Variants in PTPRM observed in about 807,000 individuals in gnomAD.
The protein encoded by PTPRM is receptor-type tyrosine-protein phosphatase mu.
Under a neutral mutation model 186.7 loss-of-function variants are expected in PTPRM, and 47 were observed. The ratio of observed to expected loss-of-function variants is 0.25; its 90% CI spans 0.20 to 0.32. The LOEUF (loss-of-function observed/expected upper bound fraction) is 0.32, where lower values mean the gene tolerates loss of function less well. Among genes scored for constraint, PTPRM ranks in the 10% least tolerant of loss-of-function variants. PTPRM has a pLI of 1.00. For synonymous variants in PTPRM, 668 were observed against 674.9 expected, an observed-to-expected ratio of 0.99 and a Z score of 0.16; for missense variants, 1,494 against 1,865.0, an observed-to-expected ratio of 0.80 and a Z score of 3.66.
At chr18:7,726,381 G>A (rs2040549791) in intron 1 of PTPRM, among the ~76,000 whole-genome samples, 2 of 152,082 alleles carry the variant, frequency 1.3e-5, no homozygotes, top group Admixed American at 1.3e-4. Flanking sequence ...ATAGATTCTG[G>A]TTAAAAGTCG....
intron 7 of PTPRM, among the ~76,000 whole-genome samples, chr18:7,972,479 T>TAAAAAAAAAAAAAAAAAAAA (rs11445031): frequency 9.0e-5 from 4 of 44,364 alleles, no homozygotes; most frequent in African/African-American, 1.2e-4. Context: ...AAAAAAACAT[T>TAAAAAAAAAAAAAAAAAAAA]AAAAAAAAAA....
At chr18:7,728,666 G>A (rs534128669) in intron 1 of PTPRM, among the ~76,000 whole-genome samples, 4 of 152,238 alleles carry the variant, frequency 2.6e-5, no homozygotes, top group African/African-American at 9.6e-5. Flanking sequence ...CCAGCAGTCC[G>A]GTCTTCAGCC....
chr18:7,588,076 T>C (rs1698230386), intron 1 of PTPRM, among the ~76,000 whole-genome samples: 1 of 152,156 alleles, frequency 6.6e-6, no homozygotes, highest in African/African-American at 2.4e-5. Context: ...CTTTGTTTCT[T>C]ATTAGTCTAT....
chr18:8,076,693 T>C (rs1000237635), intron 9 of PTPRM, 129 bp downstream of exon 9: 19 of 520,914 alleles, frequency 3.6e-5, no homozygotes, highest in Non-Finnish European at 5.4e-5. Flanking sequence ...TCAGTAGTTA[T>C]AATGGTTGTT....
intron 2 of PTPRM, among the ~76,000 whole-genome samples, chr18:7,869,079 G>C (rs538858673): frequency 1.4e-3 from 207 of 152,338 alleles, no homozygotes; most frequent in African/African-American, 4.6e-3. Flanking sequence ...GTTGACTTCA[G>C]ACTGCTGTGC....
At chr18:8,144,391 A>C (rs2092833214) in intron 14 of PTPRM, among the ~76,000 whole-genome samples, 2 of 152,194 alleles carry the variant, frequency 1.3e-5, no homozygotes, top group Admixed American at 1.3e-4. Flanking sequence ...AGGCAGGTGA[A>C]TCATTTGATC....
intron 1 of PTPRM, among the ~76,000 whole-genome samples, chr18:7,739,723 TAGAC>T (rs143363267): frequency 0.068 from 10,288 of 152,226 alleles, 1,119 homozygotes; most frequent in African/African-American, 0.23. Flanking sequence ...CCTTGGGGCT[TAGAC>T]AGTCTCCTTG....
intron 13 of PTPRM, among the ~76,000 whole-genome samples, chr18:8,141,451 G>C (rs193000248): frequency 1.0e-3 from 156 of 152,264 alleles, no homozygotes; most frequent in African/African-American, 3.7e-3. Context: ...GCTTCCACAG[G>C]CTGCATAGCA....
intron 8 of PTPRM, among the ~76,000 whole-genome samples, chr18:8,074,413 A>G (rs1215312822): frequency 1.3e-5 from 2 of 152,212 alleles, no homozygotes; most frequent in Non-Finnish European, 2.9e-5. Context: ...TCCTGAGTAC[A>G]TACCTAGGAG....
intron 7 of PTPRM, among the ~76,000 whole-genome samples, chr18:8,008,846 A>G (rs957860991): frequency 1.3e-5 from 2 of 152,210 alleles, no homozygotes; most frequent in African/African-American, 4.8e-5. Flanking sequence ...TAGGAATATG[A>G]AAAGATACAA....
At chr18:7,581,210 C>T (rs1460062907) in intron 1 of PTPRM, among the ~76,000 whole-genome samples, 1 of 152,142 alleles carries the variant, frequency 6.6e-6, no homozygotes, top group Non-Finnish European at 1.5e-5. Context: ...CAAAGGTGGG[C>T]ACGGGATTCC....
intron 4 of PTPRM, among the ~76,000 whole-genome samples, chr18:7,911,894 C>T (rs2146618480): frequency 7.7e-6 from 1 of 129,994 alleles, no homozygotes; most frequent in South Asian, 2.7e-4. Flanking sequence ...TCTTTCTCAC[C>T]CAGGCTGGAG....
intron 7 of PTPRM, among the ~76,000 whole-genome samples, chr18:7,982,612 A>G (rs925828825): frequency 6.6e-6 from 1 of 152,056 alleles, no homozygotes. Context: ...ATAGTTGTCT[A>G]TTATCATTAG....
intron 7 of PTPRM, among the ~76,000 whole-genome samples, chr18:7,994,880 C>A (rs115727954): frequency 0.015 from 2,239 of 151,800 alleles, 56 homozygotes; most frequent in African/African-American, 0.052. Flanking sequence ...AGAAAGATTT[C>A]AAATAATCTA....
chr18:8,335,090 A>G (rs532455001), intron 22 of PTPRM, among the ~76,000 whole-genome samples: 1 of 152,260 alleles, frequency 6.6e-6, no homozygotes, highest in East Asian at 1.9e-4. Context: ...GTTTTTTAGT[A>G]TCTGTCATGG....
intron 2 of PTPRM, among the ~76,000 whole-genome samples, chr18:7,801,498 C>T (rs557886463): frequency 2.0e-5 from 3 of 152,226 alleles, no homozygotes; most frequent in East Asian, 1.9e-4. Flanking sequence ...GGACACCTCC[C>T]GATGGACCTA....
intron 22 of PTPRM, among the ~76,000 whole-genome samples, chr18:8,340,068 C>T (rs992513750): frequency 6.6e-6 from 1 of 152,160 alleles, no homozygotes; most frequent in African/African-American, 2.4e-5. Context: ...CCAGTGCCCA[C>T]CCCTGAGCAA....
At chr18:8,402,350 A>G (rs1235809164) in intron 32 of PTPRM, among the ~76,000 whole-genome samples, 1 of 152,154 alleles carries the variant, frequency 6.6e-6, no homozygotes, top group East Asian at 1.9e-4. Context: ...TCATTTTGAA[A>G]ATTATAGTCA....
At chr18:8,155,703 C>T (rs539222546) in intron 14 of PTPRM, among the ~76,000 whole-genome samples, 2 of 152,148 alleles carry the variant, frequency 1.3e-5, no homozygotes, top group Non-Finnish European at 2.9e-5. Context: ...TTGATGAAAG[C>T]CCCATTTTCA....
Sources: allele counts gnomAD v4.1 joint callset (sites outside exome capture counted in the v4.1 genomes callset), GRCh38; gene constraint gnomAD v4.1.1; transcripts MANE v1.5; gene names NCBI Gene and HGNC (gene_info 2026-07-23, HGNC 2026-07-21).